ZFP82: variants seen among roughly 807,000 people sequenced by gnomAD.
The protein encoded by ZFP82 is zinc finger protein 82 homolog.
Under a neutral mutation model 54.0 loss-of-function variants are expected in ZFP82, and 30 were observed. The ratio of observed to expected loss-of-function variants is 0.56; its 90% CI spans 0.42 to 0.75. ZFP82 has a LOEUF of 0.75. Among genes scored for constraint, ZFP82 ranks in the 30% least tolerant of loss-of-function variants. ZFP82 has a pLI of 0.00. For missense variants in ZFP82, 500 were observed against 636.8 expected, an observed-to-expected ratio of 0.79 and a Z score of 2.31; for synonymous variants, 194 against 209.5, an observed-to-expected ratio of 0.93 and a Z score of 0.64.
chr19:36,412,500 T>C (rs1245621000), intron 1 of ZFP82, among the ~76,000 whole-genome samples: 1 of 152,242 alleles, frequency 6.6e-6, no homozygotes, highest in African/African-American at 2.4e-5. Context: ...ACTGACTCTA[T>C]GATTTCTAAG....
intron 2 of ZFP82, among the ~76,000 whole-genome samples, chr19:36,408,391 A>AT (rs915174267): frequency 2.0e-5 from 3 of 151,894 alleles, no homozygotes; most frequent in Non-Finnish European, 4.4e-5. Context: ...TAAAGAACAG[A>AT]TTTTTTTTTA....
At chr19:36,405,848 A>C (rs889910050) in intron 3 of ZFP82, among the ~76,000 whole-genome samples, 176 bp from the exon 4 acceptor site, 3 of 152,212 alleles carry the variant, frequency 2.0e-5, no homozygotes, top group Admixed American at 1.3e-4. Flanking sequence ...GAGACTAGAG[A>C]GGGAATGAAA....
At chr19:36,385,551 G>A (rs185102477), downstream of ZFP82, among the ~76,000 whole-genome samples, 2 of 152,316 alleles carry the variant, frequency 1.3e-5, no homozygotes, top group Non-Finnish European at 2.9e-5. Flanking sequence ...TGCTGTGGGT[G>A]GAATGTTAAA....
At chr19:36,398,494 G>A (rs998404535) in intron 4 of ZFP82, among the ~76,000 whole-genome samples, 11 of 149,800 alleles carry the variant, frequency 7.3e-5, no homozygotes, top group African/African-American at 2.7e-4. Flanking sequence ...CCAAGATCAC[G>A]CCACTGCACT....
chr19:36,392,167 G>A lies in ZFP82; in HGVS notation c.*574C>T, dbSNP rs568475959. 6.6e-6 allele frequency: 1 copy of A among 152,656 alleles called. No individual in the cohort carries two copies. The highest frequency in any genetic ancestry group is 2.4e-5 in the African/African-American group (1 of 41,520). The allele number at this position is 152,656 out of a possible 1,614,324, so 9.5% of individuals were successfully genotyped here. A position where few individuals can be genotyped will look rare whatever the true frequency, so the allele number is the denominator to read the frequency against. On this transcript the variant is annotated 3_prime_UTR_variant, in exon 5 of 5. Transcript: ENST00000392161. ...TCTTGGTGGATGTCAAGAAGACAGGGTTCAGCAGGTGCCTCTCCCTCTCTA... is the reference window on the plus strand; with the variant it reads ...TCTTGGTGGATGTCAAGAAGACAGGATTCAGCAGGTGCCTCTCCCTCTCTA...
At chr19:36,401,428 A>G (rs1281983814) in intron 4 of ZFP82, among the ~76,000 whole-genome samples, 2 of 151,890 alleles carry the variant, frequency 1.3e-5, no homozygotes, top group Non-Finnish European at 2.9e-5. Context: ...GCTTCTATTC[A>G]CCCAGTTGTT....
chr19:36,411,789 C>T lies in ZFP82; in HGVS notation c.-78-1922G>A, dbSNP rs1001308287. Among the ~76,000 whole-genome samples, 38 of 149,064 alleles carry T rather than the reference C, an allele frequency of 2.5e-4. 1 individual carries two copies. The highest frequency in any genetic ancestry group is 2.1e-3 in the Admixed American group (31 of 14,802). On this transcript the variant is annotated intron_variant, in intron 1 of 4. Coordinates refer to ENST00000392161, the MANE Select transcript of ZFP82 (RefSeq NM_133466.4). ...CTGAGGCAGGAGAATGGCGTGAAAC[C>T]AGGAGGCGGAGCTTGCAGTGAGGCG...
intron 1 of ZFP82, among the ~76,000 whole-genome samples, chr19:36,411,120 G>GT (rs746499530): frequency 1.7e-3 from 259 of 150,808 alleles, no homozygotes; most frequent in Non-Finnish European, 2.9e-3. Context: ...TTGGACCTAG[G>GT]GGGGCGGAGG....
chr19:36,409,880 A>T lies in ZFP82; in HGVS notation c.-78-13T>A. The T allele has an allele frequency of 7.2e-7, 1 of 1,384,108 alleles. No homozygotes were observed. The highest frequency in any genetic ancestry group is 1.0e-6 in the Non-Finnish European group (1 of 978,592). The allele number at this position is 1,384,108 out of a possible 1,614,324, so 85.7% of individuals were successfully genotyped here. ...CACAGAGGCTGATCTAGGGAGAGGA[A>T]AACAAGGCCATGAGATCAGATGGAC... On this transcript the variant is annotated splice_polypyrimidine_tract_variant and intron_variant, in intron 1 of 4. Transcript: ENST00000392161.
intron 1 of ZFP82, among the ~76,000 whole-genome samples, chr19:36,415,768 T>G (rs1299822735): frequency 6.6e-6 from 1 of 152,240 alleles, no homozygotes; most frequent in East Asian, 1.9e-4. Context: ...AAATTGTGAT[T>G]CTATAAGCCT....
chr19:36,397,431 G>A (rs1205767707), intron 4 of ZFP82, among the ~76,000 whole-genome samples: 2 of 151,694 alleles, frequency 1.3e-5, no homozygotes, highest in East Asian at 1.9e-4. Flanking sequence ...TGTAAGCCAT[G>A]GTTAAGATAA....
chr19:36,409,107 G>C (rs1053300219), intron 2 of ZFP82, among the ~76,000 whole-genome samples: 1 of 152,000 alleles, frequency 6.6e-6, no homozygotes, highest in African/African-American at 2.4e-5. Context: ...ACCAAAAATG[G>C]AATCTTGTTC....
intron 3 of ZFP82, among the ~76,000 whole-genome samples, chr19:36,407,340 T>C (rs1400379242): frequency 2.0e-5 from 3 of 152,070 alleles, no homozygotes; most frequent in Non-Finnish European, 4.4e-5. Context: ...CCTCCCAAAG[T>C]GCTGGGATTA....
intron 3 of ZFP82, among the ~76,000 whole-genome samples, chr19:36,407,074 C>CTTTTTT (rs35808591): frequency 7.0e-5 from 7 of 99,758 alleles, no homozygotes; most frequent in Admixed American, 2.4e-4. Flanking sequence ...TTTTAATTTT[C>CTTTTTT]TTTTTTTTTT....
intron 4 of ZFP82, among the ~76,000 whole-genome samples, chr19:36,402,337 C>T (rs749144511): frequency 1.4e-4 from 22 of 151,778 alleles, no homozygotes; most frequent in Non-Finnish European, 2.9e-4. Flanking sequence ...GGCATGGTGG[C>T]GGGCGCCTGT....
intron 1 of ZFP82, among the ~76,000 whole-genome samples, chr19:36,415,545 G>A (rs143447564): frequency 0.017 from 2,628 of 152,094 alleles, 42 homozygotes; most frequent in African/African-American, 0.058. Context: ...GCGCCACTGT[G>A]CCCAGCTAAT....
chr19:36,415,486 C>G (rs947734218), intron 1 of ZFP82, among the ~76,000 whole-genome samples: 2 of 152,018 alleles, frequency 1.3e-5, no homozygotes, highest in African/African-American at 4.8e-5. Context: ...CTCATGGGTT[C>G]AAGCAATTCT....
downstream of ZFP82, among the ~76,000 whole-genome samples, chr19:36,386,765 C>T (rs1447129967): frequency 1.3e-5 from 2 of 152,146 alleles, no homozygotes; most frequent in African/African-American, 2.4e-5. Context: ...GGTGAAACCC[C>T]ATCTCTACTA....
downstream of ZFP82, among the ~76,000 whole-genome samples, chr19:36,386,787 A>C (rs2032120376): frequency 6.6e-6 from 1 of 152,168 alleles, no homozygotes; most frequent in Admixed American, 6.5e-5. Flanking sequence ...AAATACAAAA[A>C]TTAGCTGGGC....
Sources: allele counts gnomAD v4.1 joint callset (sites outside exome capture counted in the v4.1 genomes callset), GRCh38; gene constraint gnomAD v4.1.1; transcripts MANE v1.5; gene names NCBI Gene and HGNC (gene_info 2026-07-23, HGNC 2026-07-21).